The following USP28 variants were observed in gnomAD, a reference collection of about 807,000 sequenced individuals.
The protein encoded by USP28 is ubiquitin carboxyl-terminal hydrolase 28.
In USP28, 113 loss-of-function variants were observed where a neutral mutation model predicts 145.0. The observed-to-expected ratio is 0.78, with a 90% confidence interval of 0.67 to 0.91. The LOEUF (loss-of-function observed/expected upper bound fraction) is 0.91, where lower values mean the gene tolerates loss of function less well. USP28 is among the 40% of genes least tolerant of loss of function. The probability of loss-of-function intolerance (pLI) is 0.00; values close to 1 mark genes in which losing one functional copy is unlikely to be tolerated. For missense variants in USP28, 1,201 were observed against 1,289.6 expected (o/e 0.93, Z 1.05); for synonymous variants, 447 against 450.9 (o/e 0.99, Z 0.11).
intron 1 of USP28, among the ~76,000 whole-genome samples, chr11:113,863,369 G>C (rs74885584): frequency 0.036 from 5,400 of 152,022 alleles, 441 homozygotes; most frequent in East Asian, 0.31. Context: ...GCTGAGGCTG[G>C]GTGCGATGGC....
chr11:113,847,918 A>G (rs1158683697), intron 3 of USP28, among the ~76,000 whole-genome samples: 1 of 152,200 alleles, frequency 6.6e-6, no homozygotes, highest in Admixed American at 6.5e-5. Context: ...AGCAAAACTG[A>G]CAAACAGTTC....
intron 9 of USP28, among the ~76,000 whole-genome samples, chr11:113,830,180 A>C (rs2135926351): frequency 7.5e-6 from 1 of 133,512 alleles, no homozygotes; most frequent in East Asian, 1.9e-4. Context: ...GTCCTGACTA[A>C]AACAAACTCT....
chr11:113,807,381 T>C lies in USP28; in HGVS notation c.2305-797A>G, dbSNP rs953213989. Among the ~76,000 whole-genome samples the C allele has an allele frequency of 8.4e-5, 5 of 59,528 alleles. No individual in the cohort carries two copies. In the Admixed American group the frequency reaches 9.2e-4, roughly 11 times the overall value. The allele number at this position is 59,528 out of a possible 152,430, so 39.1% of individuals were successfully genotyped here. On this transcript the variant is annotated intron_variant, in intron 18 of 24. Transcript: ENST00000003302. ...AAACCTCCGTGCCCAGCCTTGTCAATGATTTTTTTTTTTAAATACCCCACA... is the reference window on the plus strand; with the variant it reads ...AAACCTCCGTGCCCAGCCTTGTCAACGATTTTTTTTTTTAAATACCCCACA...
intron 5 of USP28, among the ~76,000 whole-genome samples, chr11:113,838,080 T>C (rs1944772111): frequency 6.6e-6 from 1 of 152,182 alleles, no homozygotes; most frequent in Admixed American, 6.5e-5. Context: ...CTCCTGCCCT[T>C]TTCCTTGTTA....
At chr11:113,873,564 G>C (rs1949033359) in intron 1 of USP28, among the ~76,000 whole-genome samples, 1 of 152,176 alleles carries the variant, frequency 6.6e-6, no homozygotes, top group Admixed American at 6.5e-5. Flanking sequence ...ATAGGCACAT[G>C]GTCTTAAATG....
exon 19 of USP28, chr11:113,806,572 G>A: frequency 6.3e-7 from 1 of 1,580,460 alleles, no homozygotes; most frequent in Non-Finnish European, 8.6e-7. Flanking sequence ...TGCATGGCAG[G>A]GCTCAGCATC....
In USP28 at chr11:113,827,402, T is replaced by A. The variant is rs201057255; in HGVS notation, c.1060-42A>T. 3 of 1,536,872 alleles carry A rather than the reference T, an allele frequency of 2.0e-6. No homozygotes were observed. The African/African-American group carries it at 4.3e-5, about 22-fold the overall frequency. On this transcript the variant is annotated intron_variant, in intron 10 of 24. Transcript: ENST00000003302. ...AAATGTGAGAGAAAGAAAAATTAAT[T>A]TTAGGAAATTACAATAACCAGATTT...
intron 1 of USP28, among the ~76,000 whole-genome samples, chr11:113,874,003 T>C (rs1949090676): frequency 6.6e-6 from 1 of 150,936 alleles, no homozygotes; most frequent in African/African-American, 2.4e-5. Context: ...TAGCTGGGCG[T>C]GGTGGCACGC....
At chr11:113,826,896 G>A (rs1439054231) in intron 11 of USP28, among the ~76,000 whole-genome samples, 3 of 147,830 alleles carry the variant, frequency 2.0e-5, no homozygotes, top group African/African-American at 7.5e-5. Context: ...TCCAGCCTGG[G>A]CAACAAGAGC....
chr11:113,837,176 T>A (rs1462412459), intron 5 of USP28, among the ~76,000 whole-genome samples: 4 of 152,206 alleles, frequency 2.6e-5, no homozygotes, highest in African/African-American at 9.7e-5. Context: ...AGTTCATCAT[T>A]CTGTTAGTTT....
chr11:113,800,928 C>T (rs371782146), intron 24 of USP28, among the ~76,000 whole-genome samples: 11 of 151,516 alleles, frequency 7.3e-5, no homozygotes, highest in South Asian at 2.1e-4. Flanking sequence ...TTGCAAACTC[C>T]GCTGCCCAGG....
At chr11:113,808,869 C>G (rs1047208639) in intron 17 of USP28, among the ~76,000 whole-genome samples, 194 bp downstream of exon 17, 3 of 152,236 alleles carry the variant, frequency 2.0e-5, no homozygotes, top group Non-Finnish European at 4.4e-5. Flanking sequence ...CTTTCTGATA[C>G]TGCTTCTGTT....
chr11:113,802,455 C>A (rs1591465539), intron 23 of USP28, among the ~76,000 whole-genome samples: 1 of 152,160 alleles, frequency 6.6e-6, no homozygotes, highest in South Asian at 2.1e-4. Flanking sequence ...CTGTGAAGGG[C>A]AAATTTGCTG....
chr11:113,834,222 T>C (rs1944325646), intron 6 of USP28, 27 bp downstream of exon 6: 16 of 1,580,386 alleles, frequency 1.0e-5, no homozygotes, highest in Non-Finnish European at 1.4e-5. Flanking sequence ...TAAACAACAG[T>C]GAAGAAATTC....
chr11:113,871,160 G>C (rs1029097025), intron 1 of USP28, among the ~76,000 whole-genome samples: 5 of 152,138 alleles, frequency 3.3e-5, no homozygotes, highest in Non-Finnish European at 7.3e-5. Flanking sequence ...ATCAACACGA[G>C]GTCATTGAAC....
chr11:113,810,233 A>T (rs187322274), intron 16 of USP28, among the ~76,000 whole-genome samples: 19 of 152,320 alleles, frequency 1.2e-4, no homozygotes, highest in Non-Finnish European at 2.4e-4. Flanking sequence ...CAAGACATTT[A>T]TACCACCAAC....
intron 12 of USP28, among the ~76,000 whole-genome samples, chr11:113,818,757 A>G (rs1484657208): frequency 1.3e-5 from 2 of 152,002 alleles, no homozygotes; most frequent in African/African-American, 2.4e-5. Context: ...GCTCCTTGGG[A>G]GGCTGAGGCA....
rs1405791449 is a variant in USP28, at chr11:113,808,151, T to A, written c.2304+147A>T. ...GCTTCTTTAAGCTGTGGCAGCAGAG[T>A]GGGGAGAAAGAGTAAGAAAAAACAG... On this transcript the variant is annotated intron_variant, in intron 18 of 24. Coordinates refer to ENST00000003302, the Ensembl canonical transcript of USP28. 11 of 1,512,450 alleles carry A rather than the reference T, an allele frequency of 7.3e-6. No individual in the cohort carries two copies. Among genetic ancestry groups the A allele is most frequent in the Non-Finnish European group, 9.7e-6 (11 of 1,138,028 alleles). 93.7% of individuals were successfully genotyped at this position (1,512,450 alleles called of 1,614,324 possible).
At chr11:113,815,663 T>C (rs998752214) in intron 13 of USP28, among the ~76,000 whole-genome samples, 1 of 152,138 alleles carries the variant, frequency 6.6e-6, no homozygotes, top group East Asian at 1.9e-4. Context: ...GTAATGAAAA[T>C]GAATCCAAAG....
Sources: gnomAD v4.1 joint callset for allele counts (sites outside exome capture counted in the v4.1 genomes callset) on GRCh38, gnomAD v4.1.1 for gene constraint, MANE v1.5 for transcripts, NCBI Gene and HGNC (gene_info 2026-07-23, HGNC 2026-07-21) for gene names.